The following MECOM variants were observed in gnomAD, a reference collection of about 807,000 sequenced individuals.
MECOM encodes histone-lysine N-methyltransferase MECOM.
A neutral mutation model predicts 116.3 loss-of-function variants in MECOM; 13 were observed. The observed-to-expected ratio is 0.11, with a 90% CI of 0.07 to 0.18. MECOM has a LOEUF of 0.18. Ranked by LOEUF, MECOM falls within the 10% of genes least tolerant of loss-of-function variation. The probability of loss-of-function intolerance (pLI) is 1.00; values close to 1 mark genes in which losing one functional copy is unlikely to be tolerated. For missense variants in MECOM, 1,299 were observed against 1,509.0 expected (o/e 0.86, Z 2.31); for synonymous variants, 528 against 535.2 (o/e 0.99, Z 0.19).
chr3:169,606,111 T>A (rs1768512886), intron 1 of MECOM, among the ~76,000 whole-genome samples: 1 of 152,220 alleles, frequency 6.6e-6, no homozygotes, highest in East Asian at 1.9e-4. Flanking sequence ...ATCCACTACT[T>A]TGATTAGAAA....
At chr3:169,545,798 C>T (rs942392121) in intron 1 of MECOM, among the ~76,000 whole-genome samples, 1 of 152,160 alleles carries the variant, frequency 6.6e-6, no homozygotes, top group African/African-American at 2.4e-5. Context: ...ACATGAATCT[C>T]TGCTGCCACT....
chr3:169,371,465 T>C (rs1054010908), intron 2 of MECOM, among the ~76,000 whole-genome samples: 5 of 151,746 alleles, frequency 3.3e-5, no homozygotes, highest in African/African-American at 1.2e-4. Context: ...AATAATAATG[T>C]ATTGTATACA....
rs748984561 is a variant in MECOM, at chr3:169,322,997, TAAAAA to T, written c.375+58185_375+58189del. ...CCTGCATGACAGAGCAAGACTCCGG[TAAAAA>T]AAAAAAAAAAAAAAAAAAAAAAAAG... On this transcript the variant is annotated intron_variant, in intron 2 of 16. Coordinates refer to ENST00000651503, the MANE Select transcript of MECOM (RefSeq NM_004991.4). 8.4e-3 allele frequency among the ~76,000 whole-genome samples: 471 copies of T among 56,000 alleles called. 5 individuals carry two copies. Among genetic ancestry groups the T allele is most frequent in the African/African-American group, 0.023 (331 of 14,222 alleles). The allele number at this position is 56,000 out of a possible 152,430, so 36.7% of individuals were successfully genotyped here.
intron 2 of MECOM, among the ~76,000 whole-genome samples, chr3:169,281,004 A>G (rs1258341915): frequency 6.6e-6 from 1 of 152,216 alleles, no homozygotes; most frequent in Non-Finnish European, 1.5e-5. Flanking sequence ...AACCAATTTC[A>G]AAGCCTTTGG....
intron 1 of MECOM, among the ~76,000 whole-genome samples, chr3:169,431,889 G>T (rs1420753271): frequency 1.3e-5 from 2 of 152,172 alleles, no homozygotes; most frequent in Admixed American, 6.5e-5. Context: ...GGAGGGAGCT[G>T]CTATCAGGTA....
chr3:169,567,719 G>A (rs193041899), intron 1 of MECOM, among the ~76,000 whole-genome samples: 64 of 152,306 alleles, frequency 4.2e-4, no homozygotes, highest in African/African-American at 1.5e-3. Flanking sequence ...AAACATTGCA[G>A]AGATGTCACC....
intron 1 of MECOM, among the ~76,000 whole-genome samples, chr3:169,412,923 T>C (rs370723316): frequency 2.0e-5 from 3 of 152,270 alleles, no homozygotes; most frequent in South Asian, 2.1e-4. Flanking sequence ...CTGTATACCA[T>C]TGAGCACTTA....
At chr3:169,146,822 GA>G (rs1303566040) in intron 2 of MECOM, 1 of 1,090,104 alleles carries the variant, frequency 9.2e-7, no homozygotes, top group Non-Finnish European at 1.1e-6. Context: ...GCTCCTGCAC[GA>G]AAATCCTTTC....
chr3:169,542,820 T>C (rs1371419600), intron 1 of MECOM, among the ~76,000 whole-genome samples: 2 of 152,158 alleles, frequency 1.3e-5, no homozygotes, highest in Non-Finnish European at 2.9e-5. Context: ...TATTCTGGGG[T>C]TATCATTAAT....
intron 1 of MECOM, among the ~76,000 whole-genome samples, chr3:169,640,557 A>G (rs769734521): frequency 6.6e-6 from 1 of 152,226 alleles, no homozygotes; most frequent in Non-Finnish European, 1.5e-5. Flanking sequence ...TCTCTTCTGT[A>G]AGGGGTGGTG....
At chr3:169,620,099 G>A (rs1770530294) in intron 1 of MECOM, among the ~76,000 whole-genome samples, 1 of 152,210 alleles carries the variant, frequency 6.6e-6, no homozygotes, top group Non-Finnish European at 1.5e-5. Flanking sequence ...AGTGCATACT[G>A]GAAGGCTTAT....
chr3:169,645,619 C>T (rs1267698539), intron 1 of MECOM, among the ~76,000 whole-genome samples: 2 of 152,210 alleles, frequency 1.3e-5, no homozygotes, highest in Non-Finnish European at 2.9e-5. Context: ...CACCAATGGT[C>T]TTTCACAATT....
intron 1 of MECOM, among the ~76,000 whole-genome samples, chr3:169,409,486 C>A (rs1737215221): frequency 1.3e-5 from 2 of 152,092 alleles, no homozygotes; most frequent in Admixed American, 6.5e-5. Flanking sequence ...AAAATATTAT[C>A]CTCAACCTAT....
intron 2 of MECOM, among the ~76,000 whole-genome samples, chr3:169,338,109 G>A (rs143093542): frequency 5.9e-5 from 9 of 152,272 alleles, no homozygotes; most frequent in Non-Finnish European, 1.0e-4. Flanking sequence ...TAGCTACACT[G>A]AACTACTTGA....
At chr3:169,275,201 T>G (rs564557371) in intron 2 of MECOM, among the ~76,000 whole-genome samples, 1 of 152,278 alleles carries the variant, frequency 6.6e-6, no homozygotes, top group South Asian at 2.1e-4. Context: ...ATAGTATGAA[T>G]GGCCCAGAGT....
Position 169,663,474 on chromosome 3 carries a change from G to GTCTCTCTCTCTC in MECOM, c.-114_-103dup, listed in dbSNP as rs71166260. 6.5e-5 allele frequency: 37 copies of GTCTCTCTCTCTC among 569,378 alleles called. No homozygotes were observed. Among genetic ancestry groups the GTCTCTCTCTCTC allele is most frequent in the African/African-American group, 1.8e-4 (4 of 22,158 alleles). The allele number at this position is 569,378 out of a possible 1,614,324, so 35.3% of individuals were successfully genotyped here. ...CTCTCGCTCCCTCCCTCTCTCTCCT[G>GTCTCTCTCTCTC]TCTCTCTCTCTCTCTCTCTCTCTCT... On this transcript the variant is annotated 5_prime_UTR_variant, in exon 1 of 17. Coordinates refer to ENST00000651503, the MANE Select transcript of MECOM (RefSeq NM_004991.4).
chr3:169,332,703 T>A (rs1722961603), intron 2 of MECOM, among the ~76,000 whole-genome samples: 1 of 152,168 alleles, frequency 6.6e-6, no homozygotes, highest in Non-Finnish European at 1.5e-5. Flanking sequence ...TTTCAAAAAA[T>A]GATAAAAATC....
At chr3:169,547,537 T>A (rs1760877298) in intron 1 of MECOM, among the ~76,000 whole-genome samples, 1 of 152,174 alleles carries the variant, frequency 6.6e-6, no homozygotes. Flanking sequence ...CCTCTGCCAC[T>A]CTCTGACCTT....
At chr3:169,467,878 C>T (rs149816464) in intron 1 of MECOM, among the ~76,000 whole-genome samples, 1 of 152,290 alleles carries the variant, frequency 6.6e-6, no homozygotes, top group East Asian at 1.9e-4. Flanking sequence ...AGCTCATGGT[C>T]AGCTTTCATC....
Sources: gnomAD v4.1 joint callset for allele counts (sites outside exome capture counted in the v4.1 genomes callset) on GRCh38, gnomAD v4.1.1 for gene constraint, MANE v1.5 for transcripts, NCBI Gene and HGNC (gene_info 2026-07-23, HGNC 2026-07-21) for gene names.